Variants in OOSP3 observed in about 807,000 individuals in gnomAD.
The protein encoded by OOSP3 is oocyte secreted protein family member 3, also known as oocyte-secreted protein 3.
In OOSP3 at chr11:59,889,626, T is replaced by C. The variant is rs563517972; in HGVS notation, c.253-4453T>C. Among the ~76,000 whole-genome samples, 26 of 152,334 alleles carry C rather than the reference T, an allele frequency of 1.7e-4. 1 individual carries two copies. The South Asian group carries it at 5.0e-3, about 29-fold the overall frequency. ...TGGTTTTGAGTGGGTTTCTTAATCT[T>C]GAGTTCTAATTTGATTATGCTGTGG... is the stretch of plus-strand genomic sequence containing the variant. On this transcript the variant is annotated intron_variant, in intron 2 of 4. Transcript: ENST00000646438.
intron 3 of OOSP3, among the ~76,000 whole-genome samples, chr11:59,894,890 G>T (rs755222289): frequency 2.1e-4 from 32 of 152,078 alleles, no homozygotes; most frequent in Non-Finnish European, 3.7e-4. Context: ...AAATTACTCA[G>T]TTTTCAACTC....
rs377037524 is a variant in OOSP3 at position 59,890,913 on chromosome 11, A to T, written c.253-3166A>T. 2.0e-5 allele frequency among the ~76,000 whole-genome samples: 3 copies of T among 152,196 alleles called. No homozygotes were observed. The South Asian group carries it at 6.2e-4, about 32-fold the overall frequency. ...CATCTTCCCTGTCTCAGGTACTCCAATCACTCATAGGTTTGGTCTTTTTCC... is the reference window on the plus strand; with the variant it reads ...CATCTTCCCTGTCTCAGGTACTCCATTCACTCATAGGTTTGGTCTTTTTCC... On this transcript the variant is annotated intron_variant, in intron 2 of 4. Transcript: ENST00000646438.
rs1028282072 is a variant in OOSP3, at chr11:59,886,229, C to A, written c.252+5790C>A. ...TCCCTGCAAAGGACATGATCTGATT[C>A]CTTTTTATGGCTGCATAGTATTCCA... is the stretch of plus-strand genomic sequence containing the variant. On this transcript the variant is annotated intron_variant, in intron 2 of 4. Transcript: ENST00000646438. 4.6e-5 allele frequency among the ~76,000 whole-genome samples: 7 copies of A among 152,270 alleles called. No homozygotes were observed. In the East Asian group the frequency reaches 1.4e-3, roughly 29 times the overall value.
At chr11:59,888,101 TTGTC>T (rs1208342283) in intron 2 of OOSP3, among the ~76,000 whole-genome samples, 3 of 152,288 alleles carry the variant, frequency 2.0e-5, no homozygotes, top group Admixed American at 2.0e-4. Flanking sequence ...GGCTCTCTGC[TTGTC>T]TGTTGTTGGT....
chr11:59,883,385 T>C (rs1853221518), intron 2 of OOSP3, among the ~76,000 whole-genome samples: 1 of 152,220 alleles, frequency 6.6e-6, no homozygotes, highest in East Asian at 1.9e-4. Context: ...CACCTGTTCA[T>C]TGGAACTGAT....
intron 4 of OOSP3, 41 bp downstream of exon 4, chr11:59,895,693 G>A (rs1853350209): frequency 7.5e-6 from 3 of 398,122 alleles, no homozygotes; most frequent in Admixed American, 4.4e-5. Flanking sequence ...CAGTGTCCAT[G>A]TAGAAATGAT....
intron 2 of OOSP3, among the ~76,000 whole-genome samples, chr11:59,886,673 C>T (rs550424366): frequency 7.2e-5 from 11 of 152,152 alleles, no homozygotes; most frequent in East Asian, 3.9e-4. Flanking sequence ...GGTGTGAGAA[C>T]GTATCTCATT....
chr11:59,888,282 T>C (rs1294346888), intron 2 of OOSP3, among the ~76,000 whole-genome samples: 1 of 152,230 alleles, frequency 6.6e-6, no homozygotes, highest in African/African-American at 2.4e-5. Context: ...CTTATATGAA[T>C]ACCATTTCTT....
chr11:59,884,070 G>A (rs533255687), intron 2 of OOSP3, among the ~76,000 whole-genome samples: 29 of 152,260 alleles, frequency 1.9e-4, no homozygotes, highest in African/African-American at 7.0e-4. Flanking sequence ...AATATTCCTG[G>A]TTTACTATTG....
At chr11:59,895,604 C>T (rs576756577) in exon 4 of OOSP3, 29 of 398,306 alleles carry the variant, frequency 7.3e-5, no homozygotes, top group African/African-American at 1.0e-4. Context: ...ACTTAACCAA[C>T]GCTAGCTTAT....
At chr11:59,888,183 A>C (rs1467868100) in intron 2 of OOSP3, among the ~76,000 whole-genome samples, 1 of 152,230 alleles carries the variant, frequency 6.6e-6, no homozygotes, top group East Asian at 1.9e-4. Context: ...GTTGTTTATC[A>C]GCTTAAGAAG....
At chr11:59,889,889 G>A (rs1279049267) in intron 2 of OOSP3, among the ~76,000 whole-genome samples, 1 of 152,162 alleles carries the variant, frequency 6.6e-6, no homozygotes. Context: ...GGGTATTAAA[G>A]TCTCCCACTA....
chr11:59,884,420 T>C (rs1853230073), intron 2 of OOSP3, among the ~76,000 whole-genome samples: 2 of 151,966 alleles, frequency 1.3e-5, no homozygotes, highest in East Asian at 1.9e-4. Context: ...GGATCTCTTA[T>C]GATTTTCTAT....
At chr11:59,881,538 A>G (rs181717527) in intron 2 of OOSP3, among the ~76,000 whole-genome samples, 2 of 152,342 alleles carry the variant, frequency 1.3e-5, no homozygotes, top group African/African-American at 4.8e-5. Flanking sequence ...TGACAGCAAC[A>G]TACAGACTAT....
chr11:59,884,852 G>A (rs1358675928), intron 2 of OOSP3, among the ~76,000 whole-genome samples: 2 of 152,038 alleles, frequency 1.3e-5, no homozygotes, highest in Non-Finnish European at 2.9e-5. Flanking sequence ...TTCCAATCTG[G>A]ATAATTTTTG....
intron 2 of OOSP3, among the ~76,000 whole-genome samples, chr11:59,892,203 T>A (rs12273421): frequency 0.015 from 2,215 of 152,204 alleles, 27 homozygotes; most frequent in Middle Eastern, 0.044. Flanking sequence ...GTTGTAAAAA[T>A]CCATGGGAAA....
At chr11:59,892,274 C>T (rs923929369) in intron 2 of OOSP3, among the ~76,000 whole-genome samples, 9 of 152,130 alleles carry the variant, frequency 5.9e-5, no homozygotes, top group South Asian at 2.1e-4. Flanking sequence ...GGGGGAGGGA[C>T]GGCCCTTTTC....
chr11:59,892,543 A>T (rs1490907142), intron 2 of OOSP3, among the ~76,000 whole-genome samples: 1 of 151,682 alleles, frequency 6.6e-6, no homozygotes, highest in Non-Finnish European at 1.5e-5. Flanking sequence ...CTTTTTTTAC[A>T]TGTTTGATAG....
intron 1 of OOSP3, among the ~76,000 whole-genome samples, chr11:59,879,920 A>C (rs1853184882): frequency 6.6e-6 from 1 of 151,978 alleles, no homozygotes; most frequent in African/African-American, 2.4e-5. Context: ...AATTATGTAA[A>C]CTCAAGGCCA....
Sources: gnomAD v4.1 joint callset for allele counts (sites outside exome capture counted in the v4.1 genomes callset) on GRCh38, gnomAD v4.1.1 for gene constraint, MANE v1.5 for transcripts, NCBI Gene and HGNC (gene_info 2026-07-23, HGNC 2026-07-21) for gene names.